ULK4: variants seen among roughly 807,000 people sequenced by gnomAD.
ULK4 encodes inactive serine/threonine-protein kinase ULK4.
ULK4 carries 133 observed loss-of-function variants against 160.6 expected under a neutral mutation model. The observed-to-expected ratio is 0.83, with a 90% CI of 0.72 to 0.96. ULK4 has a LOEUF of 0.96. Among genes scored for constraint, ULK4 ranks in the 40% least tolerant of loss-of-function variants. The probability of loss-of-function intolerance (pLI) is 0.00; values close to 1 mark genes in which losing one functional copy is unlikely to be tolerated. For synonymous variants in ULK4, 534 were observed against 539.8 expected, an observed-to-expected ratio of 0.99 and a Z score of 0.15; for missense variants, 1,580 against 1,499.5, an observed-to-expected ratio of 1.05 and a Z score of -0.89.
intron 35 of ULK4, among the ~76,000 whole-genome samples, chr3:41,369,488 C>T (rs954362164): frequency 1.8e-5 from 2 of 112,074 alleles, no homozygotes; most frequent in Non-Finnish European, 3.5e-5. Flanking sequence ...GAGTGAGACC[C>T]TGTCTTTAAA....
At chr3:41,783,526 A>G (rs2039915453) in intron 21 of ULK4, among the ~76,000 whole-genome samples, 1 of 145,414 alleles carries the variant, frequency 6.9e-6, no homozygotes, top group African/African-American at 2.7e-5. Context: ...ACAGACCAAG[A>G]CTCTGTCTCA....
At position 41,919,557 on chromosome 3, in the gene ULK4, G is replaced by A. The variant is rs530536651; in HGVS notation, c.643+160C>T. Among the ~76,000 whole-genome samples the A allele has an allele frequency of 1.6e-4, 24 of 152,320 alleles. No individual in the cohort carries two copies. In the South Asian group the frequency reaches 2.3e-3, roughly 14 times the overall value. On this transcript the variant is annotated intron_variant, in intron 6 of 36. Transcript: ENST00000301831. ...GCAGAGGTTGTAGTGAGCCGAGATC[G>A]TGCCACTGCACTCCAGACTGGGTGA...
At chr3:41,841,510 G>A (rs2041927130) in intron 17 of ULK4, among the ~76,000 whole-genome samples, 1 of 151,090 alleles carries the variant, frequency 6.6e-6, no homozygotes, top group Non-Finnish European at 1.5e-5. Flanking sequence ...CCTGGGAAGT[G>A]AGAAGCACCT....
intron 29 of ULK4, among the ~76,000 whole-genome samples, chr3:41,679,696 A>G (rs2035857771): frequency 6.6e-6 from 1 of 152,232 alleles, no homozygotes; most frequent in African/African-American, 2.4e-5. Flanking sequence ...AAAACTGGGC[A>G]GACTTCAGAT....
chr3:41,775,527 T>C (rs979613867), intron 21 of ULK4, among the ~76,000 whole-genome samples: 2 of 149,864 alleles, frequency 1.3e-5, no homozygotes, highest in African/African-American at 2.5e-5. Context: ...GCCTACTGAG[T>C]AGCTGGAATT....
chr3:41,736,542 T>C (rs1239626499), intron 22 of ULK4, among the ~76,000 whole-genome samples: 1 of 151,998 alleles, frequency 6.6e-6, no homozygotes, highest in East Asian at 1.9e-4. Flanking sequence ...TGGGGTTGTT[T>C]GGTTTTTCCT....
intron 35 of ULK4, among the ~76,000 whole-genome samples, chr3:41,283,398 A>G (rs2079397412): frequency 6.6e-6 from 1 of 152,236 alleles, no homozygotes; most frequent in South Asian, 2.1e-4. Context: ...GAACCAACCC[A>G]AATGTCCACC....
intron 22 of ULK4, among the ~76,000 whole-genome samples, chr3:41,737,659 C>T (rs912943429): frequency 1.3e-5 from 2 of 151,840 alleles, no homozygotes; most frequent in African/African-American, 4.9e-5. Flanking sequence ...TTGTTTTCCC[C>T]CATGCAGAAA....
intron 18 of ULK4, among the ~76,000 whole-genome samples, chr3:41,825,951 A>G (rs2041331313): frequency 6.6e-6 from 1 of 152,248 alleles, no homozygotes; most frequent in South Asian, 2.1e-4. Context: ...TCAGACTAAC[A>G]GCGGATCTCT....
chr3:41,540,875 TG>T (rs148474492), intron 32 of ULK4, among the ~76,000 whole-genome samples: 68,304 of 151,946 alleles, frequency 0.45, 16,050 homozygotes, highest in Middle Eastern at 0.54. Flanking sequence ...CACATTTTGA[TG>T]GGGTTGTTTT....
chr3:41,812,864 G>A (rs2040857351), intron 19 of ULK4, among the ~76,000 whole-genome samples: 1 of 152,132 alleles, frequency 6.6e-6, no homozygotes, highest in South Asian at 2.1e-4. Flanking sequence ...GTGTACATTA[G>A]GGAGGCTGAG....
At chr3:41,871,831 T>A (rs1697105482) in intron 17 of ULK4, among the ~76,000 whole-genome samples, 1 of 152,340 alleles carries the variant, frequency 6.6e-6, no homozygotes, top group South Asian at 2.1e-4. Flanking sequence ...TGTTTTTAAT[T>A]TTGATGAAGT....
At chr3:41,915,095 A>G (rs545502965) in intron 8 of ULK4, among the ~76,000 whole-genome samples, 15 of 152,282 alleles carry the variant, frequency 9.9e-5, no homozygotes, top group African/African-American at 3.4e-4. Flanking sequence ...TATATAGCAT[A>G]CAGTTATAAA....
At chr3:41,296,613 G>A (rs1419766190) in intron 35 of ULK4, among the ~76,000 whole-genome samples, 2 of 152,128 alleles carry the variant, frequency 1.3e-5, no homozygotes, top group African/African-American at 4.8e-5. Flanking sequence ...GGTGGGAGGT[G>A]ACATTTAAGA....
chr3:41,833,996 TCATA>T (rs1425291079), intron 18 of ULK4, among the ~76,000 whole-genome samples: 2 of 152,040 alleles, frequency 1.3e-5, no homozygotes, highest in East Asian at 3.8e-4. Context: ...TTGTATTTGC[TCATA>T]TATACAAAAT....
chr3:41,806,636 C>T (rs199741316), intron 19 of ULK4, among the ~76,000 whole-genome samples: 1 of 151,830 alleles, frequency 6.6e-6, no homozygotes. Flanking sequence ...CTATAAATTT[C>T]CCTCTACACA....
intron 22 of ULK4, among the ~76,000 whole-genome samples, chr3:41,746,644 T>G (rs1335583411): frequency 2.0e-5 from 3 of 151,852 alleles, no homozygotes; most frequent in African/African-American, 4.9e-5. Flanking sequence ...TTCCAAAGCT[T>G]ATATGGAAAA....
At chr3:41,396,553 C>T (rs150322137) in intron 35 of ULK4, among the ~76,000 whole-genome samples, 2 of 152,120 alleles carry the variant, frequency 1.3e-5, no homozygotes, top group South Asian at 2.1e-4. Flanking sequence ...TTTAAAGAAA[C>T]ATCTCCACTG....
chr3:41,917,000 G>A (rs889360058), intron 7 of ULK4, among the ~76,000 whole-genome samples: 4 of 152,066 alleles, frequency 2.6e-5, no homozygotes, highest in Non-Finnish European at 5.9e-5. Context: ...GTGCCACCAT[G>A]CCCGGCCCCA....
Sources: allele counts gnomAD v4.1 joint callset (sites outside exome capture counted in the v4.1 genomes callset), GRCh38; gene constraint gnomAD v4.1.1; transcripts MANE v1.5; gene names NCBI Gene and HGNC (gene_info 2026-07-23, HGNC 2026-07-21).